ACMSD: variants seen among roughly 807,000 people sequenced by gnomAD.
ACMSD encodes 2-amino-3-carboxymuconate-6-semialdehyde decarboxylase.
In ACMSD, 37 loss-of-function variants were observed where a neutral mutation model predicts 45.9. The ratio of observed to expected loss-of-function variants is 0.81; its 90% CI spans 0.62 to 1.06. The LOEUF (loss-of-function observed/expected upper bound fraction) is 1.06, where lower values mean the gene tolerates loss of function less well. ACMSD is among the 50% of genes least tolerant of loss of function. The pLI is 0.00. For missense variants in ACMSD, 434 were observed against 420.9 expected (o/e 1.03, Z -0.27); for synonymous variants, 138 against 148.8 (o/e 0.93, Z 0.53).
In ACMSD at chr2:134,895,631, T is replaced by C. The variant is rs369426595; in HGVS notation, c.850-2710T>C. 2.2e-4 allele frequency among the ~76,000 whole-genome samples: 34 copies of C among 151,836 alleles called. 1 individual carries two copies. The highest frequency in any genetic ancestry group is 8.0e-4 in the African/African-American group (33 of 41,404). Reference sequence around the variant, plus strand: ...ATCCCAGCACTTTGGGAGGCCAAGGTGGGTGGATCACCTGAGATCAGGAGT... The same window carrying C: ...ATCCCAGCACTTTGGGAGGCCAAGGCGGGTGGATCACCTGAGATCAGGAGT... On this transcript the variant is annotated intron_variant, in intron 8 of 9. Coordinates refer to ENST00000356140, the MANE Select transcript of ACMSD (RefSeq NM_138326.3).
chr2:134,852,657 C>T (rs902128443), intron 2 of ACMSD, among the ~76,000 whole-genome samples: 1 of 152,086 alleles, frequency 6.6e-6, no homozygotes, highest in African/African-American at 2.4e-5. Context: ...GAAGTAGGGC[C>T]TCCCGGGGGA....
intron 1 of ACMSD, among the ~76,000 whole-genome samples, chr2:134,842,663 G>A (rs898305929): frequency 6.6e-6 from 1 of 152,110 alleles, no homozygotes; most frequent in Non-Finnish European, 1.5e-5. Context: ...TTGTTAGCAT[G>A]AATGAAGCCT....
chr2:134,889,380 T>C (rs754227328), intron 8 of ACMSD, among the ~76,000 whole-genome samples: 1 of 152,046 alleles, frequency 6.6e-6, no homozygotes, highest in Non-Finnish European at 1.5e-5. Context: ...CTAGTCTGCT[T>C]GGAGAAAAGG....
At position 134,845,240 on chromosome 2, in the gene ACMSD, G is replaced by T. The variant is rs537448754; in HGVS notation, c.65G>T (p.Gly22Val). 3.7e-6 allele frequency: 6 copies of T among 1,614,064 alleles called. No homozygotes were observed. In the South Asian group the frequency reaches 6.6e-5, roughly 18 times the overall value. ...TGCTTCTCCCCACTGCAGAGGTTTG[G>T]CTACGGAGGCTGGGTGCAGCTCCAA... ...KEWPDLKKRF[G>V]YGGWVQLQHH... Residue 22 changes from glycine (G) to valine (V), a missense_variant, in exon 2 of 10, where the codon GGC becomes GTC. Gly to Val is a moderately radical substitution (Grantham distance 109). Transcript: ENST00000356140.
At chr2:134,859,516 T>C in intron 3 of ACMSD, 159 bp downstream of exon 3, 2 of 617,542 alleles carry the variant, frequency 3.2e-6, no homozygotes, top group Non-Finnish European at 5.7e-6. Flanking sequence ...GGCCTTCCAC[T>C]ACAATGCTTT....
At chr2:134,863,982 A>T (rs920200432) in intron 5 of ACMSD, among the ~76,000 whole-genome samples, 1 of 152,012 alleles carries the variant, frequency 6.6e-6, no homozygotes, top group African/African-American at 2.4e-5. Context: ...ATATATATAT[A>T]TTTTGGCCAG....
At chr2:134,896,013 A>T (rs147785591) in intron 8 of ACMSD, among the ~76,000 whole-genome samples, 1 of 152,332 alleles carries the variant, frequency 6.6e-6, no homozygotes, top group East Asian at 1.9e-4. Context: ...AGATCAACTG[A>T]CTTTCAACAA....
At chr2:134,850,768 GTTC>G (rs1573624993) in intron 2 of ACMSD, among the ~76,000 whole-genome samples, 1 of 152,110 alleles carries the variant, frequency 6.6e-6, no homozygotes, top group East Asian at 1.9e-4. Flanking sequence ...GTTCTCAAAA[GTTC>G]TTCCTTTCTT....
At chr2:134,854,211 A>G (rs2104836065) in intron 2 of ACMSD, among the ~76,000 whole-genome samples, 1 of 152,306 alleles carries the variant, frequency 6.6e-6, no homozygotes, top group East Asian at 1.9e-4. Context: ...TCTGGCTGTT[A>G]TTTATTGAGC....
chr2:134,896,375 G>A (rs776530926), intron 8 of ACMSD, among the ~76,000 whole-genome samples: 2 of 152,142 alleles, frequency 1.3e-5, no homozygotes, highest in Non-Finnish European at 2.9e-5. Context: ...ACAACTCACC[G>A]AATGGAGAAA....
chr2:134,863,774 G>A (rs1687963845), intron 5 of ACMSD, 143 bp downstream of exon 5: 1 of 838,352 alleles, frequency 1.2e-6, no homozygotes, highest in African/African-American at 1.7e-5. Context: ...GTAGGTAGAA[G>A]GTGTGGAAAT....
At chr2:134,882,881 A>G (rs1215148989) in intron 8 of ACMSD, among the ~76,000 whole-genome samples, 1 of 152,268 alleles carries the variant, frequency 6.6e-6, no homozygotes, top group Non-Finnish European at 1.5e-5. Flanking sequence ...CCAGCAGGTG[A>G]GAAGTTTATT....
intron 8 of ACMSD, among the ~76,000 whole-genome samples, chr2:134,882,899 C>T (rs1689116941): frequency 6.6e-6 from 1 of 152,108 alleles, no homozygotes; most frequent in South Asian, 2.1e-4. Flanking sequence ...ATTTCTTTTC[C>T]CTGACAGGAA....
At chr2:134,869,803 C>A (rs911713759) in intron 6 of ACMSD, among the ~76,000 whole-genome samples, 7 of 152,066 alleles carry the variant, frequency 4.6e-5, no homozygotes, top group Admixed American at 3.3e-4. Flanking sequence ...GGATTCCCAG[C>A]AGAGAAGTGT....
At chr2:134,863,245 C>A in intron 4 of ACMSD, 150 bp from the exon 5 acceptor site, 1 of 967,784 alleles carries the variant, frequency 1.0e-6, no homozygotes, top group Admixed American at 2.3e-5. Context: ...CTGTGGCCAG[C>A]ACCTTTCCCA....
At chr2:134,868,769 G>A (rs1484266646) in intron 6 of ACMSD, among the ~76,000 whole-genome samples, 1 of 151,856 alleles carries the variant, frequency 6.6e-6, no homozygotes, top group Non-Finnish European at 1.5e-5. Context: ...TTCTTTAAGG[G>A]GACCATTGTT....
chr2:134,882,889 A>C (rs780457239), intron 8 of ACMSD, among the ~76,000 whole-genome samples: 1 of 152,206 alleles, frequency 6.6e-6, no homozygotes, highest in South Asian at 2.1e-4. Context: ...TGAGAAGTTT[A>C]TTTCTTTTCC....
At chr2:134,866,261 C>G (rs1169122964) in intron 5 of ACMSD, among the ~76,000 whole-genome samples, 1 of 151,918 alleles carries the variant, frequency 6.6e-6, no homozygotes, top group African/African-American at 2.4e-5. Flanking sequence ...CACATGTACC[C>G]TTAACATAAA....
chr2:134,896,478 T>G (rs1559072105), intron 8 of ACMSD, among the ~76,000 whole-genome samples: 1 of 152,088 alleles, frequency 6.6e-6, no homozygotes, highest in Non-Finnish European at 1.5e-5. Context: ...AAAATGGACA[T>G]GAATGTACAC....
Sources: gnomAD v4.1 joint callset for allele counts (sites outside exome capture counted in the v4.1 genomes callset) on GRCh38, gnomAD v4.1.1 for gene constraint, MANE v1.5 for transcripts, NCBI Gene and HGNC (gene_info 2026-07-23, HGNC 2026-07-21) for gene names.